ALDH1L1: variants seen among roughly 807,000 people sequenced by gnomAD.
ALDH1L1 encodes the protein aldehyde dehydrogenase 1 family member L1.
Under a neutral mutation model 101.1 loss-of-function variants are expected in ALDH1L1, and 68 were observed. The ratio of observed to expected loss-of-function variants is 0.67; its 90% CI spans 0.55 to 0.82. The LOEUF is 0.82. Among genes scored for constraint, ALDH1L1 ranks in the 40% least tolerant of loss-of-function variants. The pLI, the probability that ALDH1L1 is intolerant of heterozygous loss-of-function variation, is 0.00. For synonymous variants in ALDH1L1, 486 were observed against 470.8 expected (o/e 1.03, Z -0.42); for missense variants, 1,087 against 1,172.7 (o/e 0.93, Z 1.07).
upstream of ALDH1L1, chr3:126,181,333 C>T (rs1371946426): frequency 1.0e-5 from 4 of 384,374 alleles, no homozygotes; most frequent in South Asian, 2.4e-5. Flanking sequence ...TCCCACCACA[C>T]CTGCGGCCGC....
At chr3:126,183,440 A>T (rs2081492480), upstream of ALDH1L1, among the ~76,000 whole-genome samples, 1 of 152,156 alleles carries the variant, frequency 6.6e-6, no homozygotes, top group African/African-American at 2.4e-5. Context: ...GAGAAACTAT[A>T]CGGATATGAA....
At position 126,155,494 on chromosome 3, in the gene ALDH1L1, C is replaced by T. The variant is rs1388273620; in HGVS notation, c.538G>A (p.Val180Met). 14 of 1,611,512 alleles carry T rather than the reference C, an allele frequency of 8.7e-6. No homozygotes were observed. The highest frequency in any genetic ancestry group is 1.2e-5 in the Non-Finnish European group (14 of 1,179,048). ...PEGIKGMVQAVRLIAEGKAPR... is the reference protein window; with the variant it reads ...PEGIKGMVQAMRLIAEGKAPR... ...GCTTTGCCCTCAGCGATCAGCCTCA[C>T]GGCCTGCACCTGGGGAGATCCAGTG... The change falls in exon 5 of 23, where the codon GTG becomes ATG. Residue 180 changes from valine to methionine, a missense_variant. Val to Met is a conservative substitution (Grantham distance 21). This residue lies in a region of ALDH1L1 where 645 missense variants were observed against 637.0 expected (regional missense o/e 1.01). Transcript: ENST00000393434.
intron 1 of ALDH1L1, 106 bp downstream of exon 1, chr3:126,180,370 G>C (rs1465761240): frequency 1.2e-6 from 1 of 865,030 alleles, no homozygotes; most frequent in Non-Finnish European, 1.4e-6. Context: ...CTTGCGGTGA[G>C]AACCGAGTCC....
intron 4 of ALDH1L1, 85 bp downstream of exon 4, chr3:126,157,258 C>A: frequency 6.8e-7 from 1 of 1,462,612 alleles, no homozygotes; most frequent in Middle Eastern, 2.0e-4. Flanking sequence ...AGATTCCTGG[C>A]CTCCAGGAGC....
chr3:126,154,228 A>G (rs2080861825), intron 6 of ALDH1L1, among the ~76,000 whole-genome samples: 1 of 152,220 alleles, frequency 6.6e-6, no homozygotes, highest in South Asian at 2.1e-4. Flanking sequence ...CCTGAGGCCA[A>G]GTCAGAGTGA....
chr3:126,115,985 G>C (rs2079961168), intron 17 of ALDH1L1, among the ~76,000 whole-genome samples: 1 of 150,150 alleles, frequency 6.7e-6, no homozygotes, highest in Admixed American at 6.6e-5. Context: ...CGATTCTCCT[G>C]CCTCAGCCTC....
At chr3:126,185,573 T>C (rs1401600498), upstream of ALDH1L1, among the ~76,000 whole-genome samples, 2 of 152,094 alleles carry the variant, frequency 1.3e-5, no homozygotes, top group Admixed American at 6.5e-5. Flanking sequence ...AATGTAAGAA[T>C]GATGCATTGG....
chr3:126,184,176 T>C (rs2081498384), upstream of ALDH1L1, among the ~76,000 whole-genome samples: 1 of 152,202 alleles, frequency 6.6e-6, no homozygotes, highest in South Asian at 2.1e-4. Flanking sequence ...AGCTTGTCCC[T>C]GTCCCAGGAC....
At chr3:126,192,158 A>G (rs1471753037) in intron 1 of ALDH1L1, among the ~76,000 whole-genome samples, 1 of 152,212 alleles carries the variant, frequency 6.6e-6, no homozygotes, top group Non-Finnish European at 1.5e-5. Context: ...CCTTGGTATC[A>G]CGATTTTATT....
intron 10 of ALDH1L1, 110 bp downstream of exon 10, chr3:126,137,703 G>C: frequency 6.9e-7 from 1 of 1,450,236 alleles, no homozygotes; most frequent in East Asian, 2.3e-5. Context: ...GTGGGCTCCT[G>C]GGGCCCTGGC....
chr3:126,145,811 ATGT>A (rs1274425857), intron 9 of ALDH1L1, among the ~76,000 whole-genome samples: 1 of 152,206 alleles, frequency 6.6e-6, no homozygotes, highest in African/African-American at 2.4e-5. Context: ...AAGAAGGTAG[ATGT>A]TGTATTATGT....
chr3:126,181,958 C>A (rs1030744698), upstream of ALDH1L1, among the ~76,000 whole-genome samples: 5 of 152,134 alleles, frequency 3.3e-5, no homozygotes, highest in African/African-American at 1.2e-4. Flanking sequence ...TGGAACTTCT[C>A]GACTCATAAA....
chr3:126,147,896 T>C (rs1177467817), intron 8 of ALDH1L1, among the ~76,000 whole-genome samples: 1 of 152,152 alleles, frequency 6.6e-6, no homozygotes, highest in Non-Finnish European at 1.5e-5. Context: ...ACCTGCTGCC[T>C]GCCCCTCGAG....
rs555712941 is a variant in ALDH1L1, at chr3:126,125,624, G to T, written c.1792C>A (p.Pro598Thr). 43 of 1,584,024 alleles carry T rather than the reference G, an allele frequency of 2.7e-5. No individual in the cohort carries two copies. In the East Asian group the frequency reaches 9.1e-4, roughly 33 times the overall value. The change falls in exon 15 of 23, where the codon CCT becomes ACT. Residue 598 changes from proline to threonine, a missense_variant. Transcript: ENST00000393434. ...AGTGAACCCACGCTCACCTGAGCAG[G>T]CTTGATCACCACTGTGTTCCCGGCA... is the stretch of plus-strand genomic sequence containing the variant. Reference protein sequence around the residue: ...LAAGNTVVIKPAQVTPLTALK... With the variant: ...LAAGNTVVIKTAQVTPLTALK...
intron 2 of ALDH1L1, chr3:126,160,341 C>T (rs903496252): frequency 6.5e-6 from 1 of 153,126 alleles, no homozygotes; most frequent in African/African-American, 2.4e-5. Flanking sequence ...AGTTTCCCAC[C>T]TTTGGGGAAA....
upstream of ALDH1L1, among the ~76,000 whole-genome samples, chr3:126,185,082 T>C (rs572814800): frequency 3.3e-5 from 5 of 152,256 alleles, no homozygotes; most frequent in East Asian, 9.7e-4. Context: ...CAATTTTTCA[T>C]GTAGAGGCGA....
chr3:126,153,885 G>A (rs1260001489), intron 6 of ALDH1L1, among the ~76,000 whole-genome samples: 1 of 152,244 alleles, frequency 6.6e-6, no homozygotes, highest in African/African-American at 2.4e-5. Flanking sequence ...TGTGCTCCAG[G>A]CATCACGGAA....
At chr3:126,185,269 A>G (rs915256106), upstream of ALDH1L1, among the ~76,000 whole-genome samples, 3 of 152,304 alleles carry the variant, frequency 2.0e-5, no homozygotes, top group African/African-American at 7.2e-5. Context: ...CCCCCATGCA[A>G]ACTGGCTGGT....
At chr3:126,138,148 G>A (rs554726854) in intron 9 of ALDH1L1, among the ~76,000 whole-genome samples, 188 bp from the exon 10 acceptor site, 9 of 152,168 alleles carry the variant, frequency 5.9e-5, no homozygotes, top group South Asian at 2.1e-4. Context: ...CCAAATTCTC[G>A]CTCCATTACT....
Sources: gnomAD v4.1 joint callset for allele counts (sites outside exome capture counted in the v4.1 genomes callset) on GRCh38, gnomAD v4.1.1 for gene constraint, gnomAD v4.1.1 regional missense constraint, MANE v1.5 for transcripts, NCBI Gene and HGNC (gene_info 2026-07-23, HGNC 2026-07-21) for gene names.